FARP1: variants seen among roughly 807,000 people sequenced by gnomAD.
The protein encoded by FARP1 is FERM, ARHGEF and pleckstrin domain-containing protein 1.
In FARP1, 52 loss-of-function variants were observed where a neutral mutation model predicts 128.8. That is an observed-to-expected ratio of 0.40 (90% CI 0.32 to 0.51). FARP1 has a LOEUF of 0.51. FARP1 is among the 20% of genes least tolerant of loss of function. The pLI is 0.45. For missense variants in FARP1, 1,333 were observed against 1,367.9 expected (o/e 0.97, Z 0.40); for synonymous variants, 580 against 551.8 (o/e 1.05, Z -0.72).
chr13:98,345,156 C>T (rs1888127520), intron 3 of FARP1, among the ~76,000 whole-genome samples: 1 of 152,190 alleles, frequency 6.6e-6, no homozygotes, highest in Non-Finnish European at 1.5e-5. Flanking sequence ...TCTCAAAACA[C>T]CTGAAGATAC....
chr13:98,224,302 T>C (rs1386216105), intron 2 of FARP1, among the ~76,000 whole-genome samples: 1 of 151,400 alleles, frequency 6.6e-6, no homozygotes, highest in East Asian at 1.9e-4. Context: ...CCGAGGCAGG[T>C]GGATCACGAG....
intron 25 of FARP1, 83 bp downstream of exon 25, chr13:98,446,288 A>T: frequency 1.2e-6 from 1 of 867,610 alleles, no homozygotes; most frequent in African/African-American, 1.7e-5. Flanking sequence ...CTCTGGAATG[A>T]CTCAGGCCTC....
At chr13:98,280,493 GCT>G (rs762084102) in intron 2 of FARP1, among the ~76,000 whole-genome samples, 2 of 152,172 alleles carry the variant, frequency 1.3e-5, no homozygotes, top group Admixed American at 1.3e-4. Context: ...GCTCACCCCA[GCT>G]CTCTGTCTGC....
chr13:98,443,532 C>T (rs922742266), intron 24 of FARP1, among the ~76,000 whole-genome samples: 21 of 152,380 alleles, frequency 1.4e-4, no homozygotes, highest in African/African-American at 4.8e-4. Context: ...AGCCTCCTCT[C>T]CCCAGTCCCG....
intron 19 of FARP1, among the ~76,000 whole-genome samples, chr13:98,437,413 TTATAGA>T (rs1437678413): frequency 6.6e-6 from 1 of 151,580 alleles, no homozygotes; most frequent in Admixed American, 6.6e-5. Context: ...ACGAAGACAG[TTATAGA>T]TAAAGAAAGG....
chr13:98,419,135 A>G (rs1041350541), intron 16 of FARP1, among the ~76,000 whole-genome samples: 1 of 152,200 alleles, frequency 6.6e-6, no homozygotes, highest in African/African-American at 2.4e-5. Context: ...TGGGACTTTA[A>G]TGAAAAATCC....
intron 1 of FARP1, among the ~76,000 whole-genome samples, chr13:98,194,319 G>A (rs1389766815): frequency 6.6e-6 from 1 of 152,064 alleles, no homozygotes; most frequent in Non-Finnish European, 1.5e-5. Context: ...GTTTCACCAC[G>A]TTGACCAGGC....
At chr13:98,194,406 C>T (rs1287645141) in intron 1 of FARP1, among the ~76,000 whole-genome samples, 7 of 152,206 alleles carry the variant, frequency 4.6e-5, no homozygotes, top group Non-Finnish European at 5.9e-5. Flanking sequence ...CGTGAGCCAC[C>T]GTACCTGGCT....
At position 98,385,713 on chromosome 13, in the gene FARP1, C is replaced by G; in HGVS notation, c.658C>G (p.Arg220Gly). 1 of 1,614,176 alleles carries G rather than the reference C, an allele frequency of 6.2e-7. No homozygotes were observed. The highest frequency in any genetic ancestry group is 8.5e-7 in the Non-Finnish European group (1 of 1,180,036). The change falls in exon 8 of 27, where the codon CGT (arginine) becomes GGT (glycine). Residue 220 changes from arginine to glycine, a missense_variant. Transcript: ENST00000319562. ...ESDFQLLEIA[R>G]RLEMYGIRLH... ...AGATTTCCAGCTCCTAGAGATTGCC[C>G]GTCGGCTAGAGATGTATGGAATCCG... is the stretch of plus-strand genomic sequence containing the variant.
At chr13:98,236,498 C>A (rs1766550766) in intron 2 of FARP1, among the ~76,000 whole-genome samples, 1 of 151,418 alleles carries the variant, frequency 6.6e-6, no homozygotes, top group African/African-American at 2.4e-5. Flanking sequence ...TTCTCAAGTC[C>A]AATGTTATGC....
At chr13:98,217,277 A>T (rs182118566) in intron 2 of FARP1, among the ~76,000 whole-genome samples, 120 of 144,272 alleles carry the variant, frequency 8.3e-4, no homozygotes, top group Middle Eastern at 3.4e-3. Flanking sequence ...CAGCCCTGGT[A>T]AAAAAAAATG....
At chr13:98,247,708 G>A (rs1457620593) in intron 2 of FARP1, among the ~76,000 whole-genome samples, 2 of 152,186 alleles carry the variant, frequency 1.3e-5, no homozygotes, top group Non-Finnish European at 2.9e-5. Flanking sequence ...ACCTTCAACG[G>A]ATTCCAGGCA....
chr13:98,350,419 T>A (rs1391835200), intron 3 of FARP1, among the ~76,000 whole-genome samples: 2 of 152,168 alleles, frequency 1.3e-5, no homozygotes, highest in African/African-American at 4.8e-5. Context: ...ACTTACAGTG[T>A]CCCCCGTTAC....
chr13:98,399,962 C>T (rs1258242433), intron 13 of FARP1: 6 of 152,180 alleles, frequency 3.9e-5, no homozygotes, highest in Non-Finnish European at 7.3e-5. Context: ...GCTCCTTGAA[C>T]AGTCATCTGT....
rs1883791836 is a variant in FARP1 at position 98,259,913 on chromosome 13, G to GTGTA, written c.171+46503_171+46504insATGT. Among the ~76,000 whole-genome samples the GTGTA allele has an allele frequency of 2.0e-5, 3 of 151,650 alleles. No individual in the cohort carries two copies. The South Asian group carries it at 6.3e-4, about 32-fold the overall frequency. On this transcript the variant is annotated intron_variant, in intron 2 of 26. Coordinates refer to ENST00000319562, the MANE Select transcript of FARP1 (RefSeq NM_005766.4). Reference sequence around the variant, plus strand: ...TGTGTGTGTGTGTGTGTGTGTGTGTGTGTGTGTATTGAGAAGACCTTGGGG... The same window carrying GTGTA: ...TGTGTGTGTGTGTGTGTGTGTGTGTGTGTATGTGTGTATTGAGAAGACCTTGGGG...
chr13:98,209,845 G>A (rs916963660), intron 1 of FARP1, among the ~76,000 whole-genome samples: 2 of 146,504 alleles, frequency 1.4e-5, no homozygotes, highest in African/African-American at 2.5e-5. Context: ...AGCCGGGGGT[G>A]GTGGTGCACG....
chr13:98,224,781 C>T (rs561706309), intron 2 of FARP1, among the ~76,000 whole-genome samples: 2 of 152,184 alleles, frequency 1.3e-5, no homozygotes, highest in African/African-American at 4.8e-5. Flanking sequence ...TGGTTGGAGG[C>T]GACCATGACT....
Position 98,160,582 on chromosome 13 carries a change from C to A in FARP1, c.-24+17090C>A, listed in dbSNP as rs1594212886. 3.9e-5 allele frequency among the ~76,000 whole-genome samples: 6 copies of A among 152,300 alleles called. 1 individual carries two copies. The South Asian group carries it at 1.2e-3, about 32-fold the overall frequency. ...GAAAAGTAGGCAGAATACATACACA[C>A]AGACACCTGTTGTTAACGACTACCA... On this transcript the variant is annotated intron_variant, in intron 1 of 26. Coordinates refer to ENST00000319562, the MANE Select transcript of FARP1 (RefSeq NM_005766.4).
At chr13:98,186,256 G>T (rs1467416644) in intron 1 of FARP1, among the ~76,000 whole-genome samples, 1 of 152,100 alleles carries the variant, frequency 6.6e-6, no homozygotes, top group African/African-American at 2.4e-5. Context: ...ACAGGCATGA[G>T]CCACCACGCC....
Sources: allele counts gnomAD v4.1 joint callset (sites outside exome capture counted in the v4.1 genomes callset), GRCh38; gene constraint gnomAD v4.1.1; transcripts MANE v1.5; gene names NCBI Gene and HGNC (gene_info 2026-07-23, HGNC 2026-07-21).